The following CALM2 variants were observed in gnomAD, a reference collection of about 807,000 sequenced individuals.
CALM2 encodes calmodulin 2.
CALM2 carries 2 observed loss-of-function variants against 19.8 expected under a neutral mutation model. That is an observed-to-expected ratio of 0.10 (90% CI 0.04 to 0.32). The LOEUF is 0.32. CALM2 is among the 10% of genes least tolerant of loss of function. The probability of loss-of-function intolerance (pLI) is 1.00; values close to 1 mark genes in which losing one functional copy is unlikely to be tolerated. For synonymous variants in CALM2, 51 were observed against 52.1 expected, an observed-to-expected ratio of 0.98 and a Z score of 0.09; for missense variants, 38 against 178.7, an observed-to-expected ratio of 0.21 and a Z score of 4.49.
Position 47,176,452 on chromosome 2 carries a change from C to G in CALM2, c.-9G>C, listed in dbSNP as rs773432522. On this transcript the variant is annotated 5_prime_UTR_variant, in exon 1 of 6. Transcript: ENST00000272298. Reference sequence around the variant, plus strand: ...AGCGATGCACTCACCATGCTGCAAGCGCTACCGGTTTCCGAGACGCGACCA... The same window carrying G: ...AGCGATGCACTCACCATGCTGCAAGGGCTACCGGTTTCCGAGACGCGACCA... 13 of 1,613,622 alleles carry G rather than the reference C, an allele frequency of 8.1e-6. No individual in the cohort carries two copies. The African/African-American group carries it at 1.5e-4, about 18-fold the overall frequency.
intron 2 of CALM2, among the ~76,000 whole-genome samples, chr2:47,165,822 G>T (rs1029187412): frequency 1.2e-4 from 18 of 152,090 alleles, no homozygotes; most frequent in Non-Finnish European, 2.6e-4. Flanking sequence ...AACCCTAAAG[G>T]TACTAGCAAA....
At chr2:47,175,393 A>C (rs558998118) in intron 1 of CALM2, among the ~76,000 whole-genome samples, 1 of 152,218 alleles carries the variant, frequency 6.6e-6, no homozygotes, top group East Asian at 1.9e-4. Context: ...TCCAATTGTT[A>C]CAAGACCGAC....
chr2:47,175,840 C>G (rs1666843386), intron 1 of CALM2, among the ~76,000 whole-genome samples: 2 of 147,854 alleles, frequency 1.4e-5, no homozygotes, highest in Admixed American at 1.3e-4. Flanking sequence ...ACCGGCCGCT[C>G]CCTGCGCCGC....
intron 1 of CALM2, among the ~76,000 whole-genome samples, chr2:47,174,521 T>C (rs1460125806): frequency 6.6e-6 from 1 of 152,182 alleles, no homozygotes; most frequent in Admixed American, 6.5e-5. Context: ...AATAATGATA[T>C]CTGTCAATTT....
intron 2 of CALM2, among the ~76,000 whole-genome samples, chr2:47,164,595 C>CAA (rs57421631): frequency 1.5e-5 from 2 of 132,092 alleles, no homozygotes; most frequent in East Asian, 2.3e-4. Flanking sequence ...AGACTTGTCT[C>CAA]AAAAAAAAAA....
intron 2 of CALM2, among the ~76,000 whole-genome samples, chr2:47,167,202 C>T (rs530415527): frequency 1.6e-3 from 243 of 152,142 alleles, no homozygotes; most frequent in African/African-American, 5.0e-3. Context: ...TAATATTTTT[C>T]TCAAACAAAT....
chr2:47,169,685 A>G (rs1325308988), intron 2 of CALM2, among the ~76,000 whole-genome samples: 2 of 152,210 alleles, frequency 1.3e-5, no homozygotes. Flanking sequence ...CTACAGTCCT[A>G]TCAAATAGTA....
chr2:47,165,500 A>AT (rs994590016), intron 2 of CALM2, among the ~76,000 whole-genome samples: 1 of 152,080 alleles, frequency 6.6e-6, no homozygotes, highest in African/African-American at 2.4e-5. Context: ...AGACTATCTC[A>AT]TTTTTTTGCA....
intron 2 of CALM2, among the ~76,000 whole-genome samples, chr2:47,168,614 T>G (rs1342029035): frequency 2.0e-5 from 3 of 151,848 alleles, no homozygotes; most frequent in Non-Finnish European, 4.4e-5. Flanking sequence ...ATGCCTCTAA[T>G]CCCAGCTACT....
chr2:47,162,883 G>C (rs988514565), intron 2 of CALM2: 1 of 458,984 alleles, frequency 2.2e-6, no homozygotes, highest in African/African-American at 2.0e-5. Flanking sequence ...ATGTGACTTT[G>C]ACTCCTAAAG....
rs773951686 is a variant in CALM2, at chr2:47,162,269, T to A, written c.285+17A>T. On this transcript the variant is annotated intron_variant, in intron 4 of 5. Transcript: ENST00000272298. ...CATTTCATCCTCAAAATTTAACATA[T>A]CCAGTCCTTGACGTACCTTATCAAA... The A allele has an allele frequency of 3.4e-5, 47 of 1,386,392 alleles. No individual in the cohort carries two copies. The highest frequency in any genetic ancestry group is 4.6e-5 in the Non-Finnish European group (46 of 1,010,002). The allele number at this position is 1,386,392 out of a possible 1,614,324, so 85.9% of individuals were successfully genotyped here.
At chr2:47,174,232 T>G (rs1433671330) in intron 1 of CALM2, 1 of 152,194 alleles carries the variant, frequency 6.6e-6, no homozygotes, top group East Asian at 1.9e-4. Flanking sequence ...ATAAAATTTT[T>G]TATACTTTAA....
At chr2:47,162,781 T>C (rs1573215834) in intron 2 of CALM2, 119 bp from the exon 3 acceptor site, 1 of 827,002 alleles carries the variant, frequency 1.2e-6, no homozygotes, top group Non-Finnish European at 1.8e-6. Context: ...GAACAGCCAC[T>C]GCACTTCAGC....
upstream of CALM2, chr2:47,176,933 A>C: frequency 1.0e-6 from 1 of 985,448 alleles, no homozygotes; most frequent in Non-Finnish European, 1.2e-6. Context: ...CTGTCCTGGC[A>C]ACTGCGCCAG....
chr2:47,176,218 G>C, intron 1 of CALM2: 1 of 542,982 alleles, frequency 1.8e-6, no homozygotes, highest in Admixed American at 3.3e-5. Context: ...GGAACTGTGC[G>C]TCCGGCCCTC....
At chr2:47,162,795 G>T in intron 2 of CALM2, 133 bp from the exon 3 acceptor site, 2 of 702,644 alleles carry the variant, frequency 2.8e-6, no homozygotes, top group Non-Finnish European at 4.5e-6. Context: ...CTTCAGCCTG[G>T]CCAAACTGTA....
rs1215157544 is a variant in CALM2 at position 47,170,702 on chromosome 2, T to G, written c.34+32A>C. The G allele has an allele frequency of 3.2e-6, 5 of 1,569,502 alleles. No homozygotes were observed. In the East Asian group the frequency reaches 1.1e-4, roughly 35 times the overall value. On this transcript the variant is annotated intron_variant, in intron 2 of 5. Transcript: ENST00000272298. ...GGCTATTCAATTTATAATAAGAATC[T>G]AATGGGTACAATCTAGCTGAGTATT...
At chr2:47,162,920 G>A in intron 2 of CALM2, 1 of 320,332 alleles carries the variant, frequency 3.1e-6, no homozygotes, top group Non-Finnish European at 5.7e-6. Context: ...GATACCTTAT[G>A]ATAATATTTC....
At chr2:47,162,204 C>CAAAAA in intron 4 of CALM2, 82 bp downstream of exon 4, 3 of 248,318 alleles carry the variant, frequency 1.2e-5, no homozygotes, top group South Asian at 1.3e-4. Context: ...AAAAAAACAA[C>CAAAAA]CAAAAAAACA....
Sources: allele counts gnomAD v4.1 joint callset (sites outside exome capture counted in the v4.1 genomes callset), GRCh38; gene constraint gnomAD v4.1.1; transcripts MANE v1.5; gene names NCBI Gene and HGNC (gene_info 2026-07-23, HGNC 2026-07-21).